The following CTIF variants were observed in gnomAD, a reference collection of about 807,000 sequenced individuals.
The protein encoded by CTIF is cap binding complex dependent translation initiation factor.
In CTIF, 21 loss-of-function variants were observed where a neutral mutation model predicts 66.0. The observed-to-expected ratio is 0.32, with a 90% CI of 0.23 to 0.46. The LOEUF is 0.46. CTIF is among the 20% of genes least tolerant of loss of function. The pLI is 1.00. For synonymous variants in CTIF, 345 were observed against 326.4 expected (o/e 1.06, Z -0.62); for missense variants, 739 against 812.7 (o/e 0.91, Z 1.10).
intron 1 of CTIF, among the ~76,000 whole-genome samples, chr18:48,589,933 C>T (rs968758678): frequency 1.3e-5 from 2 of 152,246 alleles, no homozygotes; most frequent in African/African-American, 4.8e-5. Flanking sequence ...TGCTCTGGGA[C>T]GTGCGGTCAT....
chr18:48,541,729 C>T (rs576173037), intron 1 of CTIF, among the ~76,000 whole-genome samples: 1 of 152,270 alleles, frequency 6.6e-6, no homozygotes, highest in African/African-American at 2.4e-5. Context: ...TCAGAGGCAG[C>T]AATTTTGTAA....
chr18:48,579,117 T>C (rs2089597643), intron 1 of CTIF, among the ~76,000 whole-genome samples: 1 of 151,924 alleles, frequency 6.6e-6, no homozygotes, highest in African/African-American at 2.4e-5. Flanking sequence ...AGTGGTATAC[T>C]CATAGCTTAT....
At chr18:48,569,873 C>A (rs1040621027) in intron 1 of CTIF, among the ~76,000 whole-genome samples, 1 of 152,230 alleles carries the variant, frequency 6.6e-6, no homozygotes, top group Non-Finnish European at 1.5e-5. Context: ...TAGGACACAG[C>A]ATTGGCTTCG....
At chr18:48,544,695 G>C (rs567739386) in intron 1 of CTIF, among the ~76,000 whole-genome samples, 1 of 152,342 alleles carries the variant, frequency 6.6e-6, no homozygotes, top group Admixed American at 6.5e-5. Context: ...GAGGTTTTAG[G>C]CTGGGGCAAT....
chr18:48,631,193 G>T (rs557152083), intron 2 of CTIF, among the ~76,000 whole-genome samples: 1 of 152,348 alleles, frequency 6.6e-6, no homozygotes, highest in East Asian at 1.9e-4. Flanking sequence ...GGCCGGGTGT[G>T]GTGGCTCCCA....
intron 10 of CTIF, chr18:48,826,968 A>T (rs887201573): frequency 6.6e-6 from 1 of 152,334 alleles, no homozygotes; most frequent in Non-Finnish European, 1.5e-5. Flanking sequence ...CTGGGGCTTA[A>T]GGGAAAGTGG....
chr18:48,756,020 C>G (rs1219572529), intron 7 of CTIF: 1 of 152,178 alleles, frequency 6.6e-6, no homozygotes, highest in African/African-American at 2.4e-5. Flanking sequence ...ACTGGAGACC[C>G]AGAAACACCA....
At chr18:48,618,130 C>T (rs1357094728) in intron 1 of CTIF, among the ~76,000 whole-genome samples, 1 of 152,214 alleles carries the variant, frequency 6.6e-6, no homozygotes, top group African/African-American at 2.4e-5. Flanking sequence ...GCACACCATT[C>T]CTTGCCCTGC....
chr18:48,631,184 G>GC (rs931869510), intron 2 of CTIF, among the ~76,000 whole-genome samples: 2 of 152,216 alleles, frequency 1.3e-5, no homozygotes, highest in Non-Finnish European at 2.9e-5. Flanking sequence ...TAAAACACTG[G>GC]CCGGGTGTGG....
At chr18:48,775,906 G>A (rs965048516) in intron 9 of CTIF, among the ~76,000 whole-genome samples, 2 of 152,236 alleles carry the variant, frequency 1.3e-5, no homozygotes, top group Admixed American at 1.3e-4. Context: ...CTGCCCAGCC[G>A]GGCCGTGACC....
At chr18:48,780,714 G>A (rs949194375) in intron 9 of CTIF, among the ~76,000 whole-genome samples, 26 of 152,232 alleles carry the variant, frequency 1.7e-4, no homozygotes, top group African/African-American at 3.9e-4. Flanking sequence ...CCCTCCTGCC[G>A]GTCCGCACAC....
At chr18:48,616,863 G>A (rs538669612) in intron 1 of CTIF, among the ~76,000 whole-genome samples, 1 of 152,340 alleles carries the variant, frequency 6.6e-6, no homozygotes, top group South Asian at 2.1e-4. Context: ...AGGAGAAAAT[G>A]CTTCCAGGTG....
rs151208303 is a variant in CTIF at position 48,838,230 on chromosome 18, G to A, written c.1528-19358G>A. ...CTTCCTGCTTTTCTCCCAACACCCC[G>A]GCACATCAACAGCCCGTCAGCTTGT... On this transcript the variant is annotated intron_variant, in intron 10 of 11. Transcript: ENST00000256413. Among the ~76,000 whole-genome samples, 250 of 152,190 alleles carry A rather than the reference G, an allele frequency of 1.6e-3. 2 individuals are homozygous for A. Among genetic ancestry groups the A allele is most frequent in the Non-Finnish European group, 1.9e-3 (127 of 68,008 alleles).
chr18:48,604,909 A>G (rs1459500726), intron 1 of CTIF, among the ~76,000 whole-genome samples: 1 of 152,142 alleles, frequency 6.6e-6, no homozygotes, highest in Non-Finnish European at 1.5e-5. Flanking sequence ...TCTTTCATTT[A>G]GCTTTGTATT....
intron 10 of CTIF, chr18:48,826,148 T>C (rs1280118945): frequency 6.6e-6 from 1 of 152,242 alleles, no homozygotes. Flanking sequence ...ATACTCATCC[T>C]GTGGCTTTGT....
chr18:48,548,566 C>T (rs903578846), intron 1 of CTIF, among the ~76,000 whole-genome samples: 16 of 152,198 alleles, frequency 1.1e-4, no homozygotes, highest in Admixed American at 2.6e-4. Flanking sequence ...AAAGAGCATG[C>T]GTTGCCTTTG....
chr18:48,570,535 A>G (rs1015184983), intron 1 of CTIF, among the ~76,000 whole-genome samples: 2 of 152,120 alleles, frequency 1.3e-5, no homozygotes, highest in African/African-American at 2.4e-5. Flanking sequence ...CCACGCACAC[A>G]CTGAGGCTGC....
At position 48,781,492 on chromosome 18, in the gene CTIF, G is replaced by A. The variant is rs1456310521; in HGVS notation, c.1371+19803G>A. Among the ~76,000 whole-genome samples the A allele has an allele frequency of 5.3e-5, 8 of 152,334 alleles. No homozygotes were observed. In the East Asian group the frequency reaches 1.5e-3, roughly 29 times the overall value. The stretch of plus-strand genomic sequence containing the variant: ...AGAAGTGGAGGAAACGGGCTGGAGA[G>A]GAGAGATAACAGCCCGTTCTCTGTG... On this transcript the variant is annotated intron_variant, in intron 9 of 11. Coordinates refer to ENST00000256413, the MANE Select transcript of CTIF (RefSeq NM_014772.3).
intron 3 of CTIF, among the ~76,000 whole-genome samples, chr18:48,646,901 C>CA (rs35904615): frequency 0.41 from 31,845 of 77,994 alleles, 8,101 homozygotes; most frequent in East Asian, 0.75. Flanking sequence ...TTGGCAGTTT[C>CA]AAAAAAAAAA....
Sources: gnomAD v4.1 joint callset for allele counts (sites outside exome capture counted in the v4.1 genomes callset) on GRCh38, gnomAD v4.1.1 for gene constraint, MANE v1.5 for transcripts, NCBI Gene and HGNC (gene_info 2026-07-23, HGNC 2026-07-21) for gene names.